The following SLC13A2 variants were observed in gnomAD, a reference collection of about 807,000 sequenced individuals.
The protein encoded by SLC13A2 is Na(+)-coupled citrate transporter.
Under a neutral mutation model 58.5 loss-of-function variants are expected in SLC13A2, and 40 were observed. The observed-to-expected ratio is 0.68, with a 90% CI of 0.53 to 0.89. The LOEUF is 0.89. Among genes scored for constraint, SLC13A2 ranks in the 40% least tolerant of loss-of-function variants. The probability of loss-of-function intolerance (pLI) is 0.00; values close to 1 mark genes in which losing one functional copy is unlikely to be tolerated. For synonymous variants in SLC13A2, 341 were observed against 331.6 expected, an observed-to-expected ratio of 1.03 and a Z score of -0.31; for missense variants, 694 against 772.6, an observed-to-expected ratio of 0.90 and a Z score of 1.21.
chr17:28,494,093 A>G lies in SLC13A2; in HGVS notation c.1174A>G (p.Thr392Ala). 8 of 1,614,012 alleles carry G rather than the reference A, an allele frequency of 5.0e-6. No individual in the cohort carries two copies. Among genetic ancestry groups the G allele is most frequent in the Non-Finnish European group, 6.8e-6 (8 of 1,179,948 alleles). Residue 392 changes from threonine (T) to alanine (A), a missense_variant, in exon 8 of 12, where the codon ACC (threonine) becomes GCC (alanine). Thr to Ala is a moderately conservative substitution (Grantham distance 58). Coordinates refer to ENST00000314669, the MANE Select transcript of SLC13A2 (RefSeq NM_003984.4). This position sits in a 1 kb window ranked among gnomAD's most constrained non-coding sequence, Gnocchi z 4.0. ...CATACCCTCCAAGTTCCCAGGGCTG[A>G]CCCAGGACCCAGGTAAGCACCTGGA... Reference protein sequence around the residue: ...FIIPSKFPGLTQDPENPGKLK... With the variant: ...FIIPSKFPGLAQDPENPGKLK...
At chr17:28,477,384 C>CG (rs369422403) in intron 1 of SLC13A2, among the ~76,000 whole-genome samples, 1 of 151,386 alleles carries the variant, frequency 6.6e-6, no homozygotes, top group Admixed American at 6.6e-5. Flanking sequence ...TTAGTAGAGA[C>CG]GGGGTTTCAC....
At chr17:28,489,536 C>T (rs1023963176) in intron 2 of SLC13A2, among the ~76,000 whole-genome samples, 194 bp downstream of exon 2, 3 of 152,028 alleles carry the variant, frequency 2.0e-5, no homozygotes, top group Admixed American at 6.6e-5. Flanking sequence ...ATTAGTGCTG[C>T]GAGTTCATTC....
rs11568471 is a variant in SLC13A2 at position 28,491,668 on chromosome 17, G to A, written c.755+51G>A. On this transcript the variant is annotated intron_variant, in intron 5 of 11. Transcript: ENST00000314669. The stretch of plus-strand genomic sequence containing the variant: ...TGGGGGATCTGCACATTCACTGGGA[G>A]GTGAATGGGGCTGGGCAGTTCTCGG... The A allele has an allele frequency of 5.5e-5, 89 of 1,608,314 alleles. 1 individual carries two copies. In the East Asian group the frequency reaches 2.0e-3, roughly 36 times the overall value.
rs1489740328 is a variant in SLC13A2 at position 28,487,655 on chromosome 17, G to A, written c.103-1559G>A. On this transcript the variant is annotated intron_variant, in intron 1 of 11. Transcript: ENST00000314669. ...GAGGGCTGGCCCACCCTTAGTCCAA[G>A]GGGAGGGTAACTGGCCATTCAGTCA... 12 of 846,894 alleles carry A rather than the reference G, an allele frequency of 1.4e-5. No individual in the cohort carries two copies. In the African/African-American group the frequency reaches 2.2e-4, roughly 16 times the overall value. 52.5% of individuals were successfully genotyped at this position (846,894 alleles called of 1,614,324 possible).
chr17:28,490,482 A>G lies in SLC13A2; in HGVS notation c.260A>G (p.Asn87Ser), dbSNP rs782124765. The G allele has an allele frequency of 1.2e-6, 2 of 1,613,448 alleles. No homozygotes were observed. The highest frequency in any genetic ancestry group is 2.2e-5 in the South Asian group (2 of 90,988). ...GCCGTCGAGTATCTTAAGGACTCCA[A>G]CCTCCTGTTCTTCGGGGGGCTGCTG... Reference protein sequence around the residue: ...EVAVEYLKDSNLLFFGGLLVA... With the variant: ...EVAVEYLKDSSLLFFGGLLVA... Residue 87 changes from asparagine (N) to serine (S), a missense_variant, in exon 3 of 12, where the codon AAC becomes AGC. Asn to Ser is a conservative substitution (Grantham distance 46). Coordinates refer to ENST00000314669, the MANE Select transcript of SLC13A2 (RefSeq NM_003984.4).
At chr17:28,495,594 G>A (rs1205744513) in intron 9 of SLC13A2, 61 bp from the exon 10 acceptor site, 87 of 1,547,772 alleles carry the variant, frequency 5.6e-5, no homozygotes, top group Non-Finnish European at 7.2e-5. Context: ...TAGAGCCTCG[G>A]CAGAAGACTT....
At chr17:28,487,625 T>C (rs1555602205) in intron 1 of SLC13A2, 2 of 978,086 alleles carry the variant, frequency 2.0e-6, no homozygotes, top group Admixed American at 6.2e-5. Context: ...GACACCAGGG[T>C]CCAGGAGGGC....
Position 28,494,275 on chromosome 17 carries a change from G to A in SLC13A2, c.1187-116G>A. The A allele has an allele frequency of 6.4e-7, 1 of 1,572,228 alleles. No individual in the cohort carries two copies. The highest frequency in any genetic ancestry group is 8.7e-7 in the Non-Finnish European group (1 of 1,144,624). On this transcript the variant is annotated intron_variant, in intron 8 of 11. Coordinates refer to ENST00000314669, the MANE Select transcript of SLC13A2 (RefSeq NM_003984.4). This position sits in a 1 kb window ranked among gnomAD's most constrained non-coding sequence, Gnocchi z 4.0. ...AAAGTTGAGATGTTGCAGAACTGAGGGTCCCCTCCTGCACGCGTTAAGCTC... is the reference window on the plus strand; with the variant it reads ...AAAGTTGAGATGTTGCAGAACTGAGAGTCCCCTCCTGCACGCGTTAAGCTC...
intron 1 of SLC13A2, among the ~76,000 whole-genome samples, chr17:28,479,160 G>T (rs567021698): frequency 6.6e-6 from 1 of 152,208 alleles, no homozygotes; most frequent in South Asian, 2.1e-4. Context: ...GCTGCAGTGA[G>T]CCATATGGTG....
chr17:28,493,121 A>G (rs1197738341), intron 6 of SLC13A2, among the ~76,000 whole-genome samples: 1 of 152,240 alleles, frequency 6.6e-6, no homozygotes, highest in Non-Finnish European at 1.5e-5. Context: ...AGTCAGCAGC[A>G]GAAGGAAGTG....
At chr17:28,492,644 C>G (rs2069050636) in intron 6 of SLC13A2, among the ~76,000 whole-genome samples, 1 of 152,210 alleles carries the variant, frequency 6.6e-6, no homozygotes, top group Non-Finnish European at 1.5e-5. Context: ...CCTAATGAAG[C>G]CAAGAGTAAT....
intron 1 of SLC13A2, among the ~76,000 whole-genome samples, chr17:28,476,171 A>G (rs12449414): frequency 0.031 from 4,678 of 152,192 alleles, 414 homozygotes; most frequent in Admixed American, 0.18. Context: ...CGTGCAGCAG[A>G]AGGTCCTGCT....
chr17:28,483,180 G>A (rs1271405300), intron 1 of SLC13A2, among the ~76,000 whole-genome samples: 1 of 152,200 alleles, frequency 6.6e-6, no homozygotes, highest in Non-Finnish European at 1.5e-5. Context: ...TCCCACACCT[G>A]CCACACACCC....
chr17:28,489,312 C>A lies in SLC13A2; in HGVS notation c.201C>A (p.Phe67Leu). The A allele has an allele frequency of 6.2e-7, 1 of 1,613,738 alleles. No individual in the cohort carries two copies. Among genetic ancestry groups the A allele is most frequent in the Non-Finnish European group, 8.5e-7 (1 of 1,179,992 alleles). Residue 67 changes from phenylalanine to leucine, a missense_variant, in exon 2 of 12, where the codon TTC becomes TTA. Transcript: ENST00000314669. The stretch of plus-strand genomic sequence containing the variant: ...CTGCCCTCTTCCCCTTAATCCTGTT[C>A]CCTATGATGGGCATCGTGGATGCCT... Reference protein sequence around the residue: ...AVTALFPLILFPMMGIVDASE... With the variant: ...AVTALFPLILLPMMGIVDASE...
At chr17:28,478,197 T>C (rs2068725876) in intron 1 of SLC13A2, among the ~76,000 whole-genome samples, 2 of 152,262 alleles carry the variant, frequency 1.3e-5, no homozygotes, top group Non-Finnish European at 2.9e-5. Context: ...AACTGGAACC[T>C]GGTGTTGGAG....
chr17:28,486,292 T>C (rs1325690627), intron 1 of SLC13A2, among the ~76,000 whole-genome samples: 1 of 152,222 alleles, frequency 6.6e-6, no homozygotes, highest in Non-Finnish European at 1.5e-5. Context: ...CAGTCAAATA[T>C]CTGTGACCAA....
At position 28,477,403 on chromosome 17, in the gene SLC13A2, C is replaced by T. The variant is rs949343166; in HGVS notation, c.102+3589C>T. On this transcript the variant is annotated intron_variant, in intron 1 of 11. Coordinates refer to ENST00000314669, the MANE Select transcript of SLC13A2 (RefSeq NM_003984.4). ...TAGAGACGGGGTTTCACCGTGTTAGCCAGGATGGTCTTGATCTCCTGACCT... is the reference window on the plus strand; with the variant it reads ...TAGAGACGGGGTTTCACCGTGTTAGTCAGGATGGTCTTGATCTCCTGACCT... Among the ~76,000 whole-genome samples the T allele has an allele frequency of 5.3e-5, 8 of 151,618 alleles. No individual in the cohort carries two copies. In the South Asian group the frequency reaches 8.3e-4, roughly 16 times the overall value.
Position 28,494,907 on chromosome 17 carries a change from C to T in SLC13A2, c.1308+395C>T, listed in dbSNP as rs1555604360. On this transcript the variant is annotated intron_variant, in intron 9 of 11. Transcript: ENST00000314669. The surrounding 1 kb of genome is among the most constrained non-coding windows in gnomAD (Gnocchi z 4.0). ...GCCACCAGGGGGCACCATGATCACA[C>T]CCACCCAGGCTCTGGGGACCAGAAC... 6.6e-6 allele frequency among the ~76,000 whole-genome samples: 1 copy of T among 152,130 alleles called. No homozygotes were observed. Among genetic ancestry groups the T allele is most frequent in the East Asian group, 1.9e-4 (1 of 5,190 alleles).
At position 28,494,066 on chromosome 17, in the gene SLC13A2, A is replaced by T. The variant is rs1471784029; in HGVS notation, c.1147A>T (p.Ile383Phe). ...CATCTTCATCGGCATAATTATGTTC[A>T]TCATACCCTCCAAGTTCCCAGGGCT... ...VAIFIGIIMF[I>F]IPSKFPGLTQ... Residue 383 changes from isoleucine to phenylalanine, a missense_variant, in exon 8 of 12, where the codon ATC becomes TTC. Transcript: ENST00000314669. The surrounding 1 kb of genome is among the most constrained non-coding windows in gnomAD (Gnocchi z 4.0). 3 of 1,614,054 alleles carry T rather than the reference A, an allele frequency of 1.9e-6. No homozygotes were observed. Among genetic ancestry groups the T allele is most frequent in the Middle Eastern group, 1.6e-4 (1 of 6,062 alleles).
Sources: gnomAD v4.1 joint callset for allele counts (sites outside exome capture counted in the v4.1 genomes callset) on GRCh38, gnomAD v4.1.1 for gene constraint, Gnocchi (gnomAD v3.1) non-coding constraint, MANE v1.5 for transcripts, NCBI Gene and HGNC (gene_info 2026-07-23, HGNC 2026-07-21) for gene names.